MACROD2: variants seen among roughly 807,000 people sequenced by gnomAD.
The protein encoded by MACROD2 is ADP-ribose glycohydrolase MACROD2.
Under a neutral mutation model 70.4 loss-of-function variants are expected in MACROD2, and 36 were observed. The observed-to-expected ratio is 0.51, with a 90% CI of 0.39 to 0.68. The LOEUF is 0.68. Among genes scored for constraint, MACROD2 ranks in the 30% least tolerant of loss-of-function variants. The pLI is 0.00. For synonymous variants in MACROD2, 172 were observed against 178.8 expected (o/e 0.96, Z 0.30); for missense variants, 496 against 538.4 (o/e 0.92, Z 0.78).
rs183323438 is a variant in MACROD2 at position 15,080,370 on chromosome 20, A to G, written c.419-149570A>G. ...AAATACACTGGTCAGTTTCCTGATCAGTATATGTATCTTAATATGCACTGC... is the reference window on the plus strand; with the variant it reads ...AAATACACTGGTCAGTTTCCTGATCGGTATATGTATCTTAATATGCACTGC... On this transcript the variant is annotated intron_variant, in intron 5 of 17. Transcript: ENST00000684519. Among the ~76,000 whole-genome samples, 7 of 152,294 alleles carry G rather than the reference A, an allele frequency of 4.6e-5. No homozygotes were observed. The East Asian group carries it at 7.7e-4, about 17-fold the overall frequency.
At chr20:14,279,999 T>C (rs2082293927) in intron 3 of MACROD2, among the ~76,000 whole-genome samples, 3 of 152,180 alleles carry the variant, frequency 2.0e-5, no homozygotes, top group South Asian at 4.1e-4. Flanking sequence ...AGAAAGAGGG[T>C]ATCACTTTCA....
chr20:15,945,739 T>A (rs2065813798), intron 12 of MACROD2, among the ~76,000 whole-genome samples: 1 of 152,202 alleles, frequency 6.6e-6, no homozygotes, highest in Admixed American at 6.5e-5. Flanking sequence ...TGCAGATAAC[T>A]GAGGCTCAGA....
In MACROD2 at chr20:13,995,805, G is replaced by A. The variant is rs749751254; in HGVS notation, c.42G>A (p.Glu14=). ...AGAAGAAAAAGGTGTGGAGAGAGGA[G>A]AAAGGTAACCGGCCCGTCGAGTCCT... is the stretch of plus-strand genomic sequence containing the variant. ...SNKKKKVWRE[E]KERLLKMTLE... The change falls in exon 1 of 18, where the codon GAG becomes GAA. Residue 14 remains glutamate (E), a synonymous_variant. Transcript: ENST00000684519. The surrounding 1 kb of genome is among the most constrained non-coding windows in gnomAD (Gnocchi z 4.3). 6.9e-7 allele frequency: 1 copy of A among 1,449,124 alleles called. No homozygotes were observed. Among genetic ancestry groups the A allele is most frequent in the South Asian group, 1.1e-5 (1 of 88,012 alleles). 89.8% of individuals were successfully genotyped at this position (1,449,124 alleles called of 1,614,324 possible). A position where few individuals can be genotyped will look rare whatever the true frequency, so the allele number is the denominator to read the frequency against.
chr20:14,700,525 GT>G (rs2071184323), intron 5 of MACROD2, among the ~76,000 whole-genome samples: 1 of 69,622 alleles, frequency 1.4e-5, no homozygotes, highest in Non-Finnish European at 3.1e-5. Context: ...ATATGGTGGT[GT>G]GTGTGTGTGT....
intron 3 of MACROD2, chr20:14,327,169 T>A (rs1228248924): frequency 1.5e-5 from 25 of 1,613,656 alleles, no homozygotes; most frequent in Non-Finnish European, 2.1e-5. Context: ...TATGTTATTT[T>A]CTTGCAAATG....
chr20:14,082,177 C>CT (rs66918191), intron 2 of MACROD2, among the ~76,000 whole-genome samples: 60,086 of 92,486 alleles, frequency 0.65, 21,817 homozygotes, highest in East Asian at 0.74. Context: ...CTTTTTTTTT[C>CT]TTTTTTTTTT....
intron 3 of MACROD2, among the ~76,000 whole-genome samples, chr20:14,367,325 TA>T (rs1314814016): frequency 6.6e-6 from 1 of 152,228 alleles, no homozygotes; most frequent in Admixed American, 6.5e-5. Context: ...AAAAATACAA[TA>T]ATACTGGCTT....
chr20:15,466,446 C>T (rs1355353898), intron 7 of MACROD2, among the ~76,000 whole-genome samples: 1 of 152,192 alleles, frequency 6.6e-6, no homozygotes, highest in Non-Finnish European at 1.5e-5. Context: ...TGGTGTGATT[C>T]ATTTAGGGTC....
intron 8 of MACROD2, among the ~76,000 whole-genome samples, chr20:15,717,616 T>G (rs1452079163): frequency 1.3e-5 from 2 of 151,982 alleles, no homozygotes; most frequent in Admixed American, 6.6e-5. Context: ...ACCTGAGACA[T>G]GAGGAGTGCC....
intron 6 of MACROD2, among the ~76,000 whole-genome samples, chr20:15,331,195 A>G (rs2077988449): frequency 6.6e-6 from 1 of 151,710 alleles, no homozygotes; most frequent in South Asian, 2.1e-4. Flanking sequence ...TCATTATTTT[A>G]CAGAAGCTCA....
At chr20:15,140,739 A>G (rs2076185612) in intron 5 of MACROD2, among the ~76,000 whole-genome samples, 1 of 152,134 alleles carries the variant, frequency 6.6e-6, no homozygotes, top group African/African-American at 2.4e-5. Context: ...AAGAACAGGA[A>G]TCTGCTATGC....
chr20:14,713,396 C>T lies in MACROD2; in HGVS notation c.418+28437C>T, dbSNP rs377272487. ...GGTTGAGTCAGGATTTGAATACAGG[C>T]TTTTTGTTTTTATCACTCCAGAGTC... On this transcript the variant is annotated intron_variant, in intron 5 of 17. Coordinates refer to ENST00000684519, the MANE Select transcript of MACROD2 (RefSeq NM_001351661.2). Among the ~76,000 whole-genome samples, 3 of 152,246 alleles carry T rather than the reference C, an allele frequency of 2.0e-5. No individual in the cohort carries two copies. In the East Asian group the frequency reaches 5.8e-4, roughly 29 times the overall value.
chr20:14,249,225 C>T (rs1241114959), intron 3 of MACROD2, among the ~76,000 whole-genome samples: 1 of 144,456 alleles, frequency 6.9e-6, no homozygotes, highest in East Asian at 2.1e-4. Flanking sequence ...CAGAAATTTG[C>T]TCTGATGCAG....
At chr20:14,991,657 G>C (rs550705162) in intron 5 of MACROD2, among the ~76,000 whole-genome samples, 1 of 152,226 alleles carries the variant, frequency 6.6e-6, no homozygotes, top group South Asian at 2.1e-4. Flanking sequence ...AAAGTGATTT[G>C]AGGGAGACTA....
intron 4 of MACROD2, among the ~76,000 whole-genome samples, chr20:14,519,158 T>G (rs1335034515): frequency 5.3e-5 from 8 of 152,174 alleles, no homozygotes; most frequent in Non-Finnish European, 1.0e-4. Flanking sequence ...CTGGAATCTT[T>G]TACCTCCCAA....
At chr20:14,808,455 A>T (rs2072666948) in intron 5 of MACROD2, among the ~76,000 whole-genome samples, 4 of 152,060 alleles carry the variant, frequency 2.6e-5, no homozygotes, top group African/African-American at 9.7e-5. Context: ...GGAAAGGAAA[A>T]ACCAGTACCA....
chr20:15,859,928 G>A (rs1341806741), intron 8 of MACROD2, among the ~76,000 whole-genome samples: 1 of 152,126 alleles, frequency 6.6e-6, no homozygotes, highest in Non-Finnish European at 1.5e-5. Flanking sequence ...GAGGTCAGGA[G>A]ATCGAGACCA....
At chr20:15,439,568 A>G (rs1304811045) in intron 7 of MACROD2, among the ~76,000 whole-genome samples, 2 of 152,044 alleles carry the variant, frequency 1.3e-5, no homozygotes. Context: ...ATAGCCACAA[A>G]CCATCAATTG....
At chr20:15,409,741 A>G (rs1045999478) in intron 6 of MACROD2, among the ~76,000 whole-genome samples, 1 of 152,214 alleles carries the variant, frequency 6.6e-6, no homozygotes, top group Non-Finnish European at 1.5e-5. Flanking sequence ...GATGGACTGC[A>G]TGAGCACATC....
Sources: gnomAD v4.1 joint callset for allele counts (sites outside exome capture counted in the v4.1 genomes callset) on GRCh38, gnomAD v4.1.1 for gene constraint, Gnocchi (gnomAD v3.1) non-coding constraint, MANE v1.5 for transcripts, NCBI Gene and HGNC (gene_info 2026-07-23, HGNC 2026-07-21) for gene names.